Variants in C5 observed in about 807,000 individuals in gnomAD.
C5 encodes C3 and PZP-like alpha-2-macroglobulin domain-containing protein 4.
In C5, 140 loss-of-function variants were observed where a neutral mutation model predicts 218.8. The ratio of observed to expected loss-of-function variants is 0.64; its 90% CI spans 0.56 to 0.74. The LOEUF (loss-of-function observed/expected upper bound fraction) is 0.74. Ranked by LOEUF, C5 falls within the 30% of genes least tolerant of loss-of-function variation. The pLI is 0.00. For synonymous variants in C5, 614 were observed against 682.3 expected, an observed-to-expected ratio of 0.90 and a Z score of 1.56; for missense variants, 1,700 against 1,969.6, an observed-to-expected ratio of 0.86 and a Z score of 2.59.
At chr9:120,956,911 A>G (rs1032716143) in intron 39 of C5, 1 of 297,414 alleles carries the variant, frequency 3.4e-6, no homozygotes, top group African/African-American at 2.2e-5. Context: ...AAAATTACCT[A>G]TTGGGTACTA....
intron 21 of C5, among the ~76,000 whole-genome samples, chr9:120,996,845 C>A (rs757002786): frequency 6.6e-5 from 10 of 152,080 alleles, no homozygotes; most frequent in South Asian, 2.1e-4. Flanking sequence ...CATTAATTGG[C>A]CATATGACCC....
At chr9:121,069,916 A>G in the C5 span, among the ~76,000 whole-genome samples, 3 of 152,218 alleles carry the variant, frequency 2.0e-5, no homozygotes, top group Non-Finnish European at 4.4e-5. Flanking sequence ...GAACTACCAT[A>G]TGATCCAGCA....
intron 25 of C5, among the ~76,000 whole-genome samples, chr9:120,986,974 C>G (rs907573160): frequency 1.3e-5 from 2 of 152,052 alleles, no homozygotes; most frequent in African/African-American, 4.8e-5. Context: ...ATCTATGGAA[C>G]TTGGTAGCTG....
At position 121,017,719 on chromosome 9, in the gene C5, G is replaced by A. The variant is rs770638740; in HGVS notation, c.1640C>T (p.Thr547Ile). The A allele has an allele frequency of 4.3e-6, 7 of 1,613,140 alleles. No individual in the cohort carries two copies. In the East Asian group the frequency reaches 6.7e-5, roughly 15 times the overall value. Residue 547 changes from threonine to isoleucine, a missense_variant, in exon 13 of 41, where the codon ACA becomes ATA. By Grantham distance (89) the Thr-to-Ile change is moderately conservative. Transcript: ENST00000223642. ...CACTAATTCTGCTGTCTGTTCTCCT[G>A]TGACGATGTAATAGACCAGAAGTCG... ...SSRLLVYYIVTGEQTAELVSD... is the reference protein window; with the variant it reads ...SSRLLVYYIVIGEQTAELVSD...
At chr9:120,988,972 A>G in intron 25 of C5, 74 bp downstream of exon 25, 1 of 1,079,706 alleles carries the variant, frequency 9.3e-7, no homozygotes, top group Non-Finnish European at 1.4e-6. Context: ...GGAGGAATGG[A>G]GTTTCCATTA....
chr9:121,030,239 T>C (rs1400552362), intron 7 of C5, among the ~76,000 whole-genome samples, 158 bp downstream of exon 7: 2 of 152,110 alleles, frequency 1.3e-5, no homozygotes, highest in Non-Finnish European at 2.9e-5. Flanking sequence ...AATAAGCAAA[T>C]GAACTACCAG....
chr9:120,954,103 A>T (rs1259196712), intron 39 of C5, among the ~76,000 whole-genome samples: 1 of 152,184 alleles, frequency 6.6e-6, no homozygotes, highest in Non-Finnish European at 1.5e-5. Flanking sequence ...TATCTGTATA[A>T]GGCCTTAGAC....
At position 121,017,750 on chromosome 9, in the gene C5, A is replaced by C; in HGVS notation, c.1609T>G (p.Ser537Ala). Residue 537 changes from serine to alanine, a missense_variant, in exon 13 of 41, where the codon TCA (serine) becomes GCA (alanine). By Grantham distance (99) the Ser-to-Ala change is moderately conservative. Transcript: ENST00000223642. ...NIPVTQNMVP[S>A]SRLLVYYIVT... The stretch of plus-strand genomic sequence containing the variant: ...ATGTAATAGACCAGAAGTCGGGATG[A>C]AGGAACCATGTTCTGTGTTACTGGA... 6.2e-7 allele frequency: 1 copy of C among 1,612,612 alleles called. No homozygotes were observed. The highest frequency in any genetic ancestry group is 1.3e-5 in the African/African-American group (1 of 75,036).
At chr9:121,021,374 T>C (rs1011538281) in intron 11 of C5, 135 bp downstream of exon 11, 15 of 718,832 alleles carry the variant, frequency 2.1e-5, no homozygotes, top group African/African-American at 3.5e-5. Context: ...GACTAATTTG[T>C]CTTGGATGCA....
chr9:121,017,732 A>G lies in C5; in HGVS notation c.1627T>C (p.Tyr543His). 1 of 1,612,532 alleles carries G rather than the reference A, an allele frequency of 6.2e-7. No homozygotes were observed. Among genetic ancestry groups the G allele is most frequent in the East Asian group, 2.2e-5 (1 of 44,868 alleles). The change falls in exon 13 of 41, where the codon TAT (tyrosine) becomes CAT (histidine). Residue 543 changes from tyrosine to histidine, a missense_variant. Transcript: ENST00000223642. ...NMVPSSRLLVYYIVTGEQTAE... is the reference protein window; with the variant it reads ...NMVPSSRLLVHYIVTGEQTAE... ...GTCTGTTCTCCTGTGACGATGTAAT[A>G]GACCAGAAGTCGGGATGAAGGAACC...
At chr9:121,062,495 G>A in the C5 span, among the ~76,000 whole-genome samples, 1 of 152,184 alleles carries the variant, frequency 6.6e-6, no homozygotes, top group African/African-American at 2.4e-5. Context: ...TAAGTCAGGA[G>A]TAAACTCATA....
At chr9:121,008,243 T>C (rs898923613) in intron 18 of C5, among the ~76,000 whole-genome samples, 165 bp downstream of exon 18, 1 of 152,072 alleles carries the variant, frequency 6.6e-6, no homozygotes, top group Admixed American at 6.6e-5. Flanking sequence ...ATTAAAAAAA[T>C]AAAAATTTAA....
intron 14 of C5, 113 bp from the exon 15 acceptor site, chr9:121,016,496 G>A: frequency 1.5e-6 from 2 of 1,368,674 alleles, no homozygotes; most frequent in Non-Finnish European, 2.0e-6. Flanking sequence ...ATACACAGAT[G>A]ATATTTTTCA....
Position 121,033,859 on chromosome 9 carries a change from T to G in C5, c.584+944A>C, listed in dbSNP as rs41308018. On this transcript the variant is annotated intron_variant, in intron 5 of 40. Transcript: ENST00000223642. ...TCTGCTCTATTATAAATTTCTTTCT[T>G]TCTTTTCTTCCCTCCTTCCTTCCTC... Among the ~76,000 whole-genome samples the G allele has an allele frequency of 4.7e-3, 722 of 152,112 alleles. 1 individual carries two copies. The highest frequency in any genetic ancestry group is 8.9e-3 in the Non-Finnish European group (606 of 67,978).
intron 17 of C5, among the ~76,000 whole-genome samples, chr9:121,013,318 G>GGAAAAAAAAAAAAAAAAAAAAA (rs775252391): frequency 1.0e-5 from 1 of 99,252 alleles, no homozygotes. Context: ...GATTCCTACT[G>GGAAAAAAAAAAAAAAAAAAAAA]AAAAAAAAAA....
chr9:121,069,705 G>A, the C5 span, among the ~76,000 whole-genome samples: 1 of 151,962 alleles, frequency 6.6e-6, no homozygotes, highest in African/African-American at 2.4e-5. Context: ...GTAGAGATGA[G>A]GTCTCACTAT....
At chr9:121,062,295 A>G in the C5 span, among the ~76,000 whole-genome samples, 2 of 152,234 alleles carry the variant, frequency 1.3e-5, no homozygotes, top group African/African-American at 4.8e-5. Flanking sequence ...TGTGTGAATG[A>G]GGAGGCAAGG....
At chr9:121,071,861 T>TG in the C5 span, among the ~76,000 whole-genome samples, 54 of 65,690 alleles carry the variant, frequency 8.2e-4, no homozygotes, top group Admixed American at 9.6e-3. Flanking sequence ...TGCTATCATT[T>TG]GGAAAAAAGA....
rs1293119655 is a variant in C5 at position 121,037,954 on chromosome 9, G to A, written c.422-3C>T. ...CAACGAATAAACTCTAACTTTTACTGTAAGAATAATTGATATAATCAAAAA... is the reference window on the plus strand; with the variant it reads ...CAACGAATAAACTCTAACTTTTACTATAAGAATAATTGATATAATCAAAAA... On this transcript the variant is annotated splice_polypyrimidine_tract_variant and splice_region_variant and intron_variant, in intron 3 of 40. Transcript: ENST00000223642. 2.1e-6 allele frequency: 3 copies of A among 1,418,892 alleles called. No homozygotes were observed. The highest frequency in any genetic ancestry group is 4.7e-5 in the East Asian group (2 of 42,886). The allele number at this position is 1,418,892 out of a possible 1,614,324, so 87.9% of individuals were successfully genotyped here. A position where few individuals can be genotyped will look rare whatever the true frequency, so the allele number is the denominator to read the frequency against.
Sources: gnomAD v4.1 joint callset for allele counts (sites outside exome capture counted in the v4.1 genomes callset) on GRCh38, gnomAD v4.1.1 for gene constraint, MANE v1.5 for transcripts, NCBI Gene and HGNC (gene_info 2026-07-23, HGNC 2026-07-21) for gene names.